DLC1: variants seen among roughly 807,000 people sequenced by gnomAD.
The protein encoded by DLC1 is rho GTPase-activating protein 7.
Under a neutral mutation model 140.3 loss-of-function variants are expected in DLC1, and 54 were observed. The observed-to-expected ratio is 0.38, with a 90% confidence interval of 0.31 to 0.48. DLC1 has a LOEUF of 0.48. DLC1 is among the 20% of genes least tolerant of loss of function. DLC1 has a pLI of 0.96. For synonymous variants in DLC1, 986 were observed against 728.1 expected, an observed-to-expected ratio of 1.35 and a Z score of -5.70; for missense variants, 2,536 against 1,907.0, an observed-to-expected ratio of 1.33 and a Z score of -6.14.
intron 5 of DLC1, among the ~76,000 whole-genome samples, chr8:13,304,198 C>T (rs1484304747): frequency 2.0e-5 from 3 of 151,972 alleles, no homozygotes; most frequent in African/African-American, 7.3e-5. Context: ...AAAGTAATGG[C>T]CAAAACCACA....
intron 5 of DLC1, chr8:13,276,755 A>G (rs1337774648): frequency 1.2e-5 from 3 of 252,732 alleles, no homozygotes; most frequent in Non-Finnish European, 1.8e-5. Flanking sequence ...GGGGCAGTCC[A>G]GGTGACCTCG....
At chr8:13,469,085 C>T (rs1459163880) in intron 2 of DLC1, among the ~76,000 whole-genome samples, 1 of 152,132 alleles carries the variant, frequency 6.6e-6, no homozygotes, top group African/African-American at 2.4e-5. Flanking sequence ...TCCCAAAGTG[C>T]TGGGATTACA....
intron 5 of DLC1, among the ~76,000 whole-genome samples, chr8:13,171,627 A>C (rs778247456): frequency 2.0e-5 from 3 of 152,148 alleles, no homozygotes; most frequent in Non-Finnish European, 4.4e-5. Flanking sequence ...GCCTCAAGCA[A>C]TCCTCCCTCC....
chr8:13,237,890 TGAAA>T (rs976479787), intron 5 of DLC1, among the ~76,000 whole-genome samples: 2 of 145,826 alleles, frequency 1.4e-5, no homozygotes, highest in African/African-American at 5.1e-5. Flanking sequence ...ATACATATAT[TGAAA>T]GAAAGAAAGA....
intron 1 of DLC1, among the ~76,000 whole-genome samples, chr8:13,559,635 G>C (rs1482895520): frequency 1.3e-5 from 2 of 152,120 alleles, no homozygotes; most frequent in African/African-American, 4.8e-5. Context: ...AAAATGCTTT[G>C]CAAAGATGCT....
At chr8:13,202,560 G>A (rs1405988021) in intron 5 of DLC1, among the ~76,000 whole-genome samples, 1 of 151,910 alleles carries the variant, frequency 6.6e-6, no homozygotes, top group Non-Finnish European at 1.5e-5. Flanking sequence ...GCTTCGCTGT[G>A]GGCTTTATCT....
chr8:13,202,226 G>C (rs1827428390), intron 5 of DLC1, among the ~76,000 whole-genome samples: 1 of 152,078 alleles, frequency 6.6e-6, no homozygotes, highest in Non-Finnish European at 1.5e-5. Flanking sequence ...TTACAGGTGT[G>C]AGCCGCTGTG....
intron 4 of DLC1, among the ~76,000 whole-genome samples, chr8:13,331,479 G>T (rs939620602): frequency 1.3e-5 from 2 of 152,108 alleles, no homozygotes; most frequent in African/African-American, 4.8e-5. Flanking sequence ...TTATTATGAG[G>T]ATAAATAGTG....
chr8:13,168,870 G>A (rs895054939), intron 5 of DLC1, among the ~76,000 whole-genome samples: 1 of 152,166 alleles, frequency 6.6e-6, no homozygotes, highest in African/African-American at 2.4e-5. Flanking sequence ...AATGAAGTCG[G>A]TGATTAGAAT....
At chr8:13,542,734 T>A (rs925158295) in intron 1 of DLC1, among the ~76,000 whole-genome samples, 66 of 152,264 alleles carry the variant, frequency 4.3e-4, no homozygotes, top group African/African-American at 1.6e-3. Flanking sequence ...CATAAACGTT[T>A]TATATTTTTG....
In DLC1 at chr8:13,085,781, G is replaced by T. The variant is rs759759730; in HGVS notation, c.*30C>A. The T allele has an allele frequency of 1.3e-5, 21 of 1,613,570 alleles. No individual in the cohort carries two copies. The highest frequency in any genetic ancestry group is 6.7e-5 in the African/African-American group (5 of 74,890). On this transcript the variant is annotated 3_prime_UTR_variant, in exon 18 of 18. Coordinates refer to ENST00000276297, the MANE Select transcript of DLC1 (RefSeq NM_182643.3). ...AAAAGTTCTAGAAACAAACACCATG[G>T]TGGTGGAAGCGGTTGCGTTGCTTCA...
chr8:13,337,860 C>T (rs902275648), intron 4 of DLC1, among the ~76,000 whole-genome samples: 8 of 151,980 alleles, frequency 5.3e-5, no homozygotes, highest in Admixed American at 4.6e-4. Context: ...TGAGTAGTTC[C>T]ACTCTTTGTA....
At position 13,213,080 on chromosome 8, in the gene DLC1, T is replaced by C. The variant is rs566522353; in HGVS notation, c.1348+92189A>G. ...ACAGATATTAATGGACTGCTCTTCATTTTAGTCTCGCTCAAAGATACAGTG... is the reference window on the plus strand; with the variant it reads ...ACAGATATTAATGGACTGCTCTTCACTTTAGTCTCGCTCAAAGATACAGTG... On this transcript the variant is annotated intron_variant, in intron 5 of 17. Transcript: ENST00000276297. Among the ~76,000 whole-genome samples the C allele has an allele frequency of 3.9e-5, 6 of 152,354 alleles. No homozygotes were observed. In the East Asian group the frequency reaches 1.2e-3, roughly 29 times the overall value.
rs1292374217 is a variant in DLC1, at chr8:13,233,296, A to T, written c.1348+71973T>A. Reference sequence around the variant, plus strand: ...GGCGATAGAATAAGACTCTGTATAAAAAAAAAAAAAAAAAAAAAAAAAAAA... The same window carrying T: ...GGCGATAGAATAAGACTCTGTATAATAAAAAAAAAAAAAAAAAAAAAAAAA... On this transcript the variant is annotated intron_variant, in intron 5 of 17. Transcript: ENST00000276297. 3.7e-4 allele frequency among the ~76,000 whole-genome samples: 8 copies of T among 21,776 alleles called. 1 individual carries two copies. Among genetic ancestry groups the T allele is most frequent in the Admixed American group, 1.1e-3 (2 of 1,882 alleles). 14.3% of individuals were successfully genotyped at this position (21,776 alleles called of 152,430 possible). A position where few individuals can be genotyped will look rare whatever the true frequency, so the allele number is the denominator to read the frequency against.
chr8:13,433,853 G>A (rs1275582575), intron 2 of DLC1, among the ~76,000 whole-genome samples: 1 of 152,040 alleles, frequency 6.6e-6, no homozygotes, highest in Non-Finnish European at 1.5e-5. Flanking sequence ...TGTTTGTTTT[G>A]GTTTGGTTTT....
chr8:13,382,529 A>AAAAAAAAAAAAGAAAG (rs557423876), intron 4 of DLC1, among the ~76,000 whole-genome samples: 4 of 109,452 alleles, frequency 3.7e-5, no homozygotes, highest in African/African-American at 3.5e-5. Flanking sequence ...AAAAAAAAAA[A>AAAAAAAAAAAAGAAAG]AAAGAAAGAG....
chr8:13,344,278 A>G (rs2444942), intron 4 of DLC1, among the ~76,000 whole-genome samples: 135,679 of 152,036 alleles, frequency 0.89, 61,064 homozygotes, highest in East Asian at 0.99. Context: ...GGGATCACCT[A>G]AGATCAGGAG....
In DLC1 at chr8:13,274,388, G is replaced by A. The variant is rs909087183; in HGVS notation, c.1348+30881C>T. Among the ~76,000 whole-genome samples, 4 of 152,260 alleles carry A rather than the reference G, an allele frequency of 2.6e-5. No individual in the cohort carries two copies. In the South Asian group the frequency reaches 6.2e-4, roughly 24 times the overall value. On this transcript the variant is annotated intron_variant, in intron 5 of 17. Transcript: ENST00000276297. Reference sequence around the variant, plus strand: ...GGTATCTGGATTCTCTACTGTGTGAGTTACTTCAGAGGTCCATACTGCTCT... The same window carrying A: ...GGTATCTGGATTCTCTACTGTGTGAATTACTTCAGAGGTCCATACTGCTCT...
At chr8:13,137,623 T>C (rs1822671066) in intron 5 of DLC1, among the ~76,000 whole-genome samples, 1 of 147,584 alleles carries the variant, frequency 6.8e-6, no homozygotes. Context: ...TTTTTTGAGA[T>C]GGAGTTTCAC....
Sources: gnomAD v4.1 joint callset for allele counts (sites outside exome capture counted in the v4.1 genomes callset) on GRCh38, gnomAD v4.1.1 for gene constraint, MANE v1.5 for transcripts, NCBI Gene and HGNC (gene_info 2026-07-23, HGNC 2026-07-21) for gene names.